Variants in TET2 observed in about 807,000 individuals in gnomAD.
TET2 encodes the protein tet methylcytosine dioxygenase 2.
In TET2, 299 loss-of-function variants were observed where a neutral mutation model predicts 142.9. The ratio of observed to expected loss-of-function variants is 2.09; its 90% CI spans 1.90 to 2.30. The LOEUF (loss-of-function observed/expected upper bound fraction) is 2.30. Among genes scored for constraint, TET2 ranks in the 30% most tolerant of loss-of-function variants. The pLI is 0.00. For synonymous variants in TET2, 819 were observed against 849.0 expected, an observed-to-expected ratio of 0.96 and a Z score of 0.61; for missense variants, 2,418 against 2,378.0, an observed-to-expected ratio of 1.02 and a Z score of -0.35.
chr4:105,206,785 T>C (rs1243587208), intron 2 of TET2, among the ~76,000 whole-genome samples: 4 of 152,196 alleles, frequency 2.6e-5, no homozygotes, highest in African/African-American at 9.6e-5. Flanking sequence ...AGATATCTGC[T>C]CATATGCTCC....
chr4:105,188,168 A>G (rs1028436095), intron 1 of TET2, among the ~76,000 whole-genome samples: 1 of 152,254 alleles, frequency 6.6e-6, no homozygotes, highest in African/African-American at 2.4e-5. Flanking sequence ...TAGACATACA[A>G]TGGACTATTA....
At chr4:105,189,587 G>A (rs1725666991) in intron 1 of TET2, among the ~76,000 whole-genome samples, 1 of 152,122 alleles carries the variant, frequency 6.6e-6, no homozygotes, top group South Asian at 2.1e-4. Context: ...TTGGAACTCT[G>A]TGGACTTCTC....
chr4:105,215,332 C>T (rs1206692772), intron 2 of TET2, among the ~76,000 whole-genome samples: 1 of 152,098 alleles, frequency 6.6e-6, no homozygotes, highest in Non-Finnish European at 1.5e-5. Flanking sequence ...TTCAGTGTCT[C>T]TCTGTAATAA....
At chr4:105,196,529 T>C (rs1463177020) in intron 2 of TET2, among the ~76,000 whole-genome samples, 1 of 152,178 alleles carries the variant, frequency 6.6e-6, no homozygotes, top group African/African-American at 2.4e-5. Context: ...CTGATCTGGC[T>C]CCTGGTTACT....
intron 2 of TET2, among the ~76,000 whole-genome samples, chr4:105,195,623 A>G (rs1175866898): frequency 6.6e-6 from 1 of 152,168 alleles, no homozygotes; most frequent in African/African-American, 2.4e-5. Flanking sequence ...TACAATGTCC[A>G]TGCTATGTAA....
chr4:105,211,074 A>T (rs1727130592), intron 2 of TET2, among the ~76,000 whole-genome samples: 2 of 152,148 alleles, frequency 1.3e-5, no homozygotes, highest in South Asian at 4.1e-4. Flanking sequence ...AACTAACTAG[A>T]CCAGTTTCTC....
intron 2 of TET2, among the ~76,000 whole-genome samples, chr4:105,215,194 T>G (rs1326494804): frequency 6.6e-6 from 1 of 152,124 alleles, no homozygotes; most frequent in East Asian, 1.9e-4. Context: ...TGGAGAGGTT[T>G]TTTCCTACAC....
intron 2 of TET2, among the ~76,000 whole-genome samples, chr4:105,193,202 A>G (rs1725888154): frequency 6.6e-6 from 1 of 152,164 alleles, no homozygotes; most frequent in African/African-American, 2.4e-5. Flanking sequence ...ATAACAAAGA[A>G]TGACATCCCA....
intron 4 of TET2, chr4:105,242,427 G>A (rs755919872): frequency 2.8e-4 from 305 of 1,086,046 alleles, no homozygotes; most frequent in Non-Finnish European, 3.3e-4. Flanking sequence ...GACATTCTTG[G>A]AGGAACAGTT....
chr4:105,243,535 G>T (rs950837987), intron 5 of TET2, 35 bp from the exon 6 acceptor site: 21 of 1,536,980 alleles, frequency 1.4e-5, no homozygotes, highest in African/African-American at 2.8e-5. Context: ...TGGTTGGGGT[G>T]GGGGGTGTTT....
Position 105,272,651 on chromosome 4 carries a change from T to A in TET2, c.4270T>A (p.Ser1424Thr). The A allele has an allele frequency of 1.3e-6, 2 of 1,551,718 alleles. No individual in the cohort carries two copies. Among genetic ancestry groups the A allele is most frequent in the Non-Finnish European group, 1.7e-6 (2 of 1,146,976 alleles). The change falls in exon 10 of 11, where the codon TCT becomes ACT. Residue 1424 changes from serine to threonine, a missense_variant. Transcript: ENST00000380013. ...TCACGTTCTGCCTTTATACAAAGTC[T>A]CTGACGTGGATGAGTTTGGGAGTGT... ...QLHVLPLYKV[S>T]DVDEFGSVEA...
intron 1 of TET2, among the ~76,000 whole-genome samples, chr4:105,175,454 A>G (rs1374181227): frequency 6.6e-6 from 1 of 152,166 alleles, no homozygotes; most frequent in East Asian, 1.9e-4. Context: ...ATAGGCTCAT[A>G]AGTAGATTGA....
chr4:105,242,358 C>T lies in TET2; in HGVS notation c.3501-476C>T, dbSNP rs922364731. 1.5e-5 allele frequency: 16 copies of T among 1,078,440 alleles called. No homozygotes were observed. The East Asian group carries it at 7.8e-4, about 52-fold the overall frequency. 66.8% of individuals were successfully genotyped at this position (1,078,440 alleles called of 1,614,324 possible). On this transcript the variant is annotated intron_variant, in intron 4 of 10. Transcript: ENST00000380013. The stretch of plus-strand genomic sequence containing the variant: ...GATATAGTCTATTTCTAGGACTATT[C>T]CATATTTTCCATGTGGCTGGATACT...
At chr4:105,259,021 A>G (rs1730286032) in intron 6 of TET2, among the ~76,000 whole-genome samples, 1 of 152,196 alleles carries the variant, frequency 6.6e-6, no homozygotes, top group Admixed American at 6.5e-5. Context: ...CCCAAACATA[A>G]TGGAAAAAGC....
intron 1 of TET2, among the ~76,000 whole-genome samples, chr4:105,166,961 T>C (rs906804981): frequency 1.3e-5 from 2 of 152,170 alleles, no homozygotes; most frequent in African/African-American, 4.8e-5. Context: ...CTGTACAATC[T>C]GGAAACAACT....
Position 105,234,448 on chromosome 4 carries a change from A to G in TET2, c.506A>G (p.His169Arg), listed in dbSNP as rs545616524. Residue 169 changes from histidine (H) to arginine (R), a missense_variant, in exon 3 of 11, where the codon CAT (histidine) becomes CGT (arginine). His to Arg is a conservative substitution (Grantham distance 29). Coordinates refer to ENST00000380013, the MANE Select transcript of TET2 (RefSeq NM_001127208.3). ...AAAGATTTCACCAGTTTTTCAACACATAACTGCAGTGGGCCTGAAAATCCA... is the reference window on the plus strand; with the variant it reads ...AAAGATTTCACCAGTTTTTCAACACGTAACTGCAGTGGGCCTGAAAATCCA... The part of the protein sequence containing the change: ...AVKDFTSFST[H>R]NCSGPENPEL... 4 of 1,614,004 alleles carry G rather than the reference A, an allele frequency of 2.5e-6. No individual in the cohort carries two copies. The highest frequency in any genetic ancestry group is 1.7e-5 in the Admixed American group (1 of 59,978).
intron 2 of TET2, among the ~76,000 whole-genome samples, chr4:105,193,017 A>C (rs1725875126): frequency 6.6e-6 from 1 of 152,214 alleles, no homozygotes; most frequent in South Asian, 2.1e-4. Flanking sequence ...ATTTAAAAAG[A>C]ATCACAGTAT....
intron 1 of TET2, among the ~76,000 whole-genome samples, chr4:105,163,845 GAGAGA>G (rs1723997651): frequency 7.2e-6 from 1 of 139,180 alleles, no homozygotes; most frequent in East Asian, 2.0e-4. Context: ...GAGAGAGAGA[GAGAGA>G]GAGAGTGTGT....
chr4:105,251,010 A>AT (rs994883582), intron 6 of TET2, among the ~76,000 whole-genome samples: 33 of 151,784 alleles, frequency 2.2e-4, no homozygotes, highest in African/African-American at 7.3e-4. Flanking sequence ...TTTTCTATGT[A>AT]TTTTTTTTAT....
Sources: gnomAD v4.1 joint callset for allele counts (sites outside exome capture counted in the v4.1 genomes callset) on GRCh38, gnomAD v4.1.1 for gene constraint, MANE v1.5 for transcripts, NCBI Gene and HGNC (gene_info 2026-07-23, HGNC 2026-07-21) for gene names.